Variants in GLRX3 observed in about 807,000 individuals in gnomAD.
GLRX3 encodes the protein glutaredoxin 3.
A neutral mutation model predicts 49.5 loss-of-function variants in GLRX3; 22 were observed. The ratio of observed to expected loss-of-function variants is 0.44; its 90% confidence interval spans 0.32 to 0.63. The LOEUF is 0.63. GLRX3 is among the 30% of genes least tolerant of loss of function. GLRX3 has a pLI of 0.05. For missense variants in GLRX3, 385 were observed against 396.3 expected, an observed-to-expected ratio of 0.97 and a Z score of 0.24; for synonymous variants, 133 against 140.0, an observed-to-expected ratio of 0.95 and a Z score of 0.35.
intron 2 of GLRX3, among the ~76,000 whole-genome samples, chr10:130,155,278 G>A (rs1449361913): frequency 1.3e-5 from 2 of 152,190 alleles, no homozygotes; most frequent in Non-Finnish European, 2.9e-5. Flanking sequence ...GCAGGCAGGG[G>A]TCAGTGACCT....
At chr10:130,169,385 T>G (rs575070659) in intron 6 of GLRX3, 48 bp from the exon 7 acceptor site, 1 of 1,088,306 alleles carries the variant, frequency 9.2e-7, no homozygotes, top group African/African-American at 1.5e-5. Context: ...GGAAAAGTGG[T>G]GTTGCATAAT....
chr10:130,160,114 C>A, intron 3 of GLRX3, 45 bp downstream of exon 3: 1 of 1,124,932 alleles, frequency 8.9e-7, no homozygotes, highest in South Asian at 1.3e-5. Flanking sequence ...TGTAGGGTGC[C>A]ATGGGGCTAC....
rs1302853801 is a variant in GLRX3, at chr10:130,166,948, A to G, written c.681A>G (p.Thr227=). The change falls in exon 6 of 11, where the codon ACA becomes ACG. Residue 227 remains threonine, a synonymous_variant. Transcript: ENST00000331244. Reference sequence around the variant, plus strand: ...TAGAAGCATCTGAAGAACTAGATACAATTTGTCCCAAAGCTCCCAAATTAG... The same window carrying G: ...TAGAAGCATCTGAAGAACTAGATACGATTTGTCCCAAAGCTCCCAAATTAG... ...KELEASEELD[T]ICPKAPKLEE... 6.3e-7 allele frequency: 1 copy of G among 1,598,016 alleles called. No homozygotes were observed. The highest frequency in any genetic ancestry group is 8.5e-7 in the Non-Finnish European group (1 of 1,171,348).
At chr10:130,153,769 AG>A (rs777474402) in intron 2 of GLRX3, among the ~76,000 whole-genome samples, 2 of 151,940 alleles carry the variant, frequency 1.3e-5, no homozygotes, top group Non-Finnish European at 2.9e-5. Flanking sequence ...GACCCACTTG[AG>A]GAGGCAGTTT....
rs538295269 is a variant in GLRX3, at chr10:130,163,553, A to C, written c.478+2556A>C. On this transcript the variant is annotated intron_variant, in intron 4 of 10. Coordinates refer to ENST00000331244, the MANE Select transcript of GLRX3 (RefSeq NM_006541.5). ...CAGTTTCTTCTTTTAAAGTACTTCT[A>C]TATAATTTTTATAACTACATTTTCA... 1.1e-3 allele frequency among the ~76,000 whole-genome samples: 166 copies of C among 152,346 alleles called. 1 individual carries two copies. The highest frequency in any genetic ancestry group is 3.8e-3 in the African/African-American group (157 of 41,586).
At position 130,146,526 on chromosome 10, in the gene GLRX3, T is replaced by G. The variant is rs541586400; in HGVS notation, c.201+1207T>G. Among the ~76,000 whole-genome samples the G allele has an allele frequency of 2.9e-4, 44 of 152,328 alleles. No individual in the cohort carries two copies. The South Asian group carries it at 8.3e-3, about 29-fold the overall frequency. On this transcript the variant is annotated intron_variant, in intron 2 of 10. Transcript: ENST00000331244. ...GCTAGGAAAGCTGTAGTTTTGACTG[T>G]GGATTAACTCAATTGGTTTAGCACG...
intron 1 of GLRX3, among the ~76,000 whole-genome samples, chr10:130,142,652 A>G (rs1306731036): frequency 1.3e-5 from 2 of 152,168 alleles, no homozygotes; most frequent in Non-Finnish European, 2.9e-5. Context: ...TTCAGTCCTC[A>G]GTGGACTGCA....
intron 2 of GLRX3, among the ~76,000 whole-genome samples, chr10:130,148,097 T>C (rs1312756651): frequency 6.6e-6 from 1 of 152,154 alleles, no homozygotes; most frequent in East Asian, 1.9e-4. Flanking sequence ...TTCTAGAGTA[T>C]GAACTAATGT....
intron 2 of GLRX3, among the ~76,000 whole-genome samples, chr10:130,154,790 G>A (rs11017108): frequency 0.1 from 15,152 of 152,026 alleles, 773 homozygotes; most frequent in Middle Eastern, 0.13. Context: ...AGTAGTCTAG[G>A]CACTGAGGAT....
chr10:130,146,877 C>T (rs539660076), intron 2 of GLRX3, among the ~76,000 whole-genome samples: 1 of 152,262 alleles, frequency 6.6e-6, no homozygotes, highest in Non-Finnish European at 1.5e-5. Flanking sequence ...ATAAAATTTT[C>T]AGGAGGCTTC....
intron 1 of GLRX3, among the ~76,000 whole-genome samples, chr10:130,142,424 G>C (rs1428055213): frequency 1.3e-5 from 2 of 152,148 alleles, no homozygotes; most frequent in African/African-American, 4.8e-5. Flanking sequence ...TTCAAGGTAA[G>C]CTCTTCTCTG....
chr10:130,143,094 G>A (rs1862205652), intron 1 of GLRX3, among the ~76,000 whole-genome samples: 1 of 152,140 alleles, frequency 6.6e-6, no homozygotes, highest in African/African-American at 2.4e-5. Context: ...ATGATTTGAG[G>A]CATAGTGCCA....
At chr10:130,171,700 T>G in intron 8 of GLRX3, 64 bp downstream of exon 8, 1 of 892,500 alleles carries the variant, frequency 1.1e-6, no homozygotes, top group Admixed American at 1.7e-5. Flanking sequence ...GCGTAGTGGC[T>G]CACGTCTATA....
At chr10:130,175,945 T>A (rs1339103248) in intron 10 of GLRX3, among the ~76,000 whole-genome samples, 1 of 152,204 alleles carries the variant, frequency 6.6e-6, no homozygotes, top group African/African-American at 2.4e-5. Flanking sequence ...TGCCAGGGTC[T>A]GCTCAGGGGC....
chr10:130,140,164 C>T (rs929990766), intron 1 of GLRX3, among the ~76,000 whole-genome samples: 3 of 152,126 alleles, frequency 2.0e-5, no homozygotes, highest in Non-Finnish European at 4.4e-5. Context: ...GTTTAATAAG[C>T]AGTAGCTGGT....
chr10:130,151,742 T>C (rs892978851), intron 2 of GLRX3, among the ~76,000 whole-genome samples: 3 of 152,230 alleles, frequency 2.0e-5, no homozygotes, highest in Non-Finnish European at 4.4e-5. Flanking sequence ...GTGATGTATA[T>C]GTGCCACATT....
intron 2 of GLRX3, among the ~76,000 whole-genome samples, chr10:130,148,622 C>G (rs1443498430): frequency 6.6e-6 from 1 of 151,808 alleles, no homozygotes; most frequent in Non-Finnish European, 1.5e-5. Flanking sequence ...TTTGTAGGAG[C>G]TGGTAAAAAT....
chr10:130,136,438 T>C lies in GLRX3; in HGVS notation c.18T>C (p.Ala6=), dbSNP rs1862051718. The C allele has an allele frequency of 1.6e-6, 2 of 1,257,896 alleles. No individual in the cohort carries two copies. Among genetic ancestry groups the C allele is most frequent in the Non-Finnish European group, 2.0e-6 (2 of 995,286 alleles). 77.9% of individuals were successfully genotyped at this position (1,257,896 alleles called of 1,614,324 possible). Residue 6 remains alanine (A), a synonymous_variant, in exon 1 of 11, where the codon GCT becomes GCC. Transcript: ENST00000331244. ...GCGGCAGCATGGCGGCGGGGGCGGC[T>C]GAGGCAGCTGTAGCGGCCGTGGAGG... MAAGA[A]EAAVAAVEEV...
chr10:130,139,215 GTACTT>G (rs1862126943), intron 1 of GLRX3, among the ~76,000 whole-genome samples: 1 of 152,072 alleles, frequency 6.6e-6, no homozygotes, highest in Non-Finnish European at 1.5e-5. Context: ...CCGCTGGCCT[GTACTT>G]GAAATGGCCC....
Sources: gnomAD v4.1 joint callset for allele counts (sites outside exome capture counted in the v4.1 genomes callset) on GRCh38, gnomAD v4.1.1 for gene constraint, MANE v1.5 for transcripts, NCBI Gene and HGNC (gene_info 2026-07-23, HGNC 2026-07-21) for gene names.